Variants in PSMD14 observed in about 807,000 individuals in gnomAD.
PSMD14 encodes ubiquitin C-terminal hydrolase PSMD14.
PSMD14 carries 7 observed loss-of-function variants against 41.2 expected under a neutral mutation model. That is an observed-to-expected ratio of 0.17 (90% CI 0.10 to 0.32). The LOEUF is 0.32. PSMD14 is among the 10% of genes least tolerant of loss of function. The pLI is 1.00. For missense variants in PSMD14, 139 were observed against 375.6 expected (o/e 0.37, Z 5.21); for synonymous variants, 114 against 122.3 (o/e 0.93, Z 0.45).
chr2:161,380,235 T>A (rs1020351440), intron 7 of PSMD14, among the ~76,000 whole-genome samples: 7 of 151,996 alleles, frequency 4.6e-5, no homozygotes, highest in Admixed American at 3.3e-4. Flanking sequence ...TTAGGCAGGA[T>A]TGACTCCAGA....
At chr2:161,402,147 C>T (rs993036072) in intron 10 of PSMD14, among the ~76,000 whole-genome samples, 1 of 152,222 alleles carries the variant, frequency 6.6e-6, no homozygotes, top group African/African-American at 2.4e-5. Context: ...TTGCCAGTTC[C>T]ACTGCCTTAC....
chr2:161,327,809 AG>A (rs1005595435), intron 3 of PSMD14, among the ~76,000 whole-genome samples: 11 of 152,176 alleles, frequency 7.2e-5, no homozygotes, highest in African/African-American at 2.2e-4. Flanking sequence ...GGCCAAAAAA[AG>A]TTATGAAAAG....
At chr2:161,311,625 CTTTTTTTTTTTTTTT>C (rs34635738) in intron 1 of PSMD14, among the ~76,000 whole-genome samples, 1 of 58,534 alleles carries the variant, frequency 1.7e-5, no homozygotes, top group African/African-American at 6.7e-5. Context: ...CTCACTCTTC[CTTTTTTTTTTTTTTT>C]TTTTTTTTTG....
At chr2:161,377,344 T>G (rs1683517498) in intron 7 of PSMD14, among the ~76,000 whole-genome samples, 1 of 151,904 alleles carries the variant, frequency 6.6e-6, no homozygotes, top group South Asian at 2.1e-4. Flanking sequence ...CAAGGTATTC[T>G]TGGAACAAGT....
At chr2:161,324,330 T>C (rs1250670088) in intron 3 of PSMD14, among the ~76,000 whole-genome samples, 2 of 152,228 alleles carry the variant, frequency 1.3e-5, no homozygotes, top group Non-Finnish European at 2.9e-5. Flanking sequence ...TGAAAGCTAA[T>C]GCTCATTGTA....
At chr2:161,319,499 C>T (rs1689180844) in intron 3 of PSMD14, among the ~76,000 whole-genome samples, 1 of 152,208 alleles carries the variant, frequency 6.6e-6, no homozygotes, top group South Asian at 2.1e-4. Flanking sequence ...GCTTTCAGAT[C>T]AAGAATTTGT....
chr2:161,319,040 G>A (rs1689174994), intron 3 of PSMD14, 167 bp downstream of exon 3: 1 of 449,372 alleles, frequency 2.2e-6, no homozygotes, highest in Admixed American at 4.1e-5. Context: ...GATAACATGT[G>A]GAAAACATTT....
chr2:161,327,946 C>CTGTGTGTGTG (rs369674882), intron 3 of PSMD14, among the ~76,000 whole-genome samples: 16,880 of 116,894 alleles, frequency 0.14, 1,700 homozygotes, highest in Non-Finnish European at 0.18. Flanking sequence ...CTCATGTAAG[C>CTGTGTGTGTG]TGTGTGTGTG....
At chr2:161,325,785 T>G (rs1682686357) in intron 3 of PSMD14, among the ~76,000 whole-genome samples, 1 of 152,204 alleles carries the variant, frequency 6.6e-6, no homozygotes, top group South Asian at 2.1e-4. Context: ...GAAGTAGTAA[T>G]ATATTGTTGC....
intron 8 of PSMD14, among the ~76,000 whole-genome samples, chr2:161,389,883 T>TGTG (rs1683684947): frequency 2.0e-5 from 1 of 50,480 alleles, no homozygotes; most frequent in Admixed American, 2.7e-4. Flanking sequence ...TTCTTTCTTT[T>TGTG]TTGTTGTTTT....
intron 3 of PSMD14, among the ~76,000 whole-genome samples, chr2:161,345,339 C>T (rs1683025513): frequency 6.8e-6 from 1 of 146,954 alleles, no homozygotes; most frequent in Non-Finnish European, 1.5e-5. Flanking sequence ...GTCTCCTGGG[C>T]TCAAGCGATC....
intron 3 of PSMD14, chr2:161,341,125 G>A: frequency 7.7e-7 from 1 of 1,296,582 alleles, no homozygotes; most frequent in South Asian, 1.9e-5. Context: ...GGCCCCGCGG[G>A]CGAGGCCGCC....
At chr2:161,362,071 A>T (rs1416813017) in intron 3 of PSMD14, among the ~76,000 whole-genome samples, 2 of 152,144 alleles carry the variant, frequency 1.3e-5, no homozygotes, top group South Asian at 4.1e-4. Context: ...AATTTTAATT[A>T]AAAAAATTTT....
chr2:161,394,075 G>T (rs1683757152), intron 9 of PSMD14, among the ~76,000 whole-genome samples: 1 of 147,476 alleles, frequency 6.8e-6, no homozygotes, highest in African/African-American at 2.5e-5. Context: ...GGGTCCAAGT[G>T]ATTCTTCTGC....
At chr2:161,382,485 A>G (rs1412411920) in intron 7 of PSMD14, 1 of 151,798 alleles carries the variant, frequency 6.6e-6, no homozygotes, top group Non-Finnish European at 1.5e-5. Context: ...GGAAAGTAAG[A>G]GGTTTCCCTA....
intron 3 of PSMD14, among the ~76,000 whole-genome samples, chr2:161,365,535 A>T (rs1468899001): frequency 1.3e-5 from 2 of 152,142 alleles, no homozygotes; most frequent in African/African-American, 2.4e-5. Flanking sequence ...TCTAAAAAAA[A>T]ATATTTTCAG....
At chr2:161,394,413 C>G (rs778956461) in intron 9 of PSMD14, among the ~76,000 whole-genome samples, 63 of 152,154 alleles carry the variant, frequency 4.1e-4, no homozygotes, top group Non-Finnish European at 8.1e-4. Flanking sequence ...CCCCTTAATT[C>G]ATAGATCTCT....
At chr2:161,409,214 A>C (rs958425373) in intron 11 of PSMD14, among the ~76,000 whole-genome samples, 4 of 152,094 alleles carry the variant, frequency 2.6e-5, no homozygotes, top group African/African-American at 9.7e-5. Context: ...ATAGAAGGGT[A>C]GATTTATTTC....
chr2:161,326,948 T>A (rs1041549122), intron 3 of PSMD14, among the ~76,000 whole-genome samples: 2 of 152,340 alleles, frequency 1.3e-5, no homozygotes, highest in Admixed American at 6.5e-5. Context: ...CCCTCCGATA[T>A]TTTCTATCTA....
Sources: gnomAD v4.1 joint callset for allele counts (sites outside exome capture counted in the v4.1 genomes callset) on GRCh38, gnomAD v4.1.1 for gene constraint, MANE v1.5 for transcripts, NCBI Gene and HGNC (gene_info 2026-07-23, HGNC 2026-07-21) for gene names.